The following GALNT2 variants were observed in gnomAD, a reference collection of about 807,000 sequenced individuals.
GALNT2 encodes polypeptide N-acetylgalactosaminyltransferase 2.
GALNT2 carries 31 observed loss-of-function variants against 81.4 expected under a neutral mutation model. The observed-to-expected ratio is 0.38, with a 90% CI of 0.29 to 0.51. GALNT2 has a LOEUF of 0.51. Ranked by LOEUF, GALNT2 falls within the 20% of genes least tolerant of loss-of-function variation. GALNT2 has a pLI of 0.87. For missense variants in GALNT2, 629 were observed against 765.7 expected (o/e 0.82, Z 2.11); for synonymous variants, 303 against 287.4 (o/e 1.05, Z -0.55).
In GALNT2 at chr1:230,281,286, C is replaced by T. The variant is rs2102789214; in HGVS notation, c.*1828C>T. ...CCTATAGGTCTTCTCTTCCCGCCTC[C>T]CCTGCCATGCAACCAGATGTGTTGT... On this transcript the variant is annotated 3_prime_UTR_variant, in exon 16 of 16. Transcript: ENST00000366672. 6.6e-6 allele frequency: 1 copy of T among 152,534 alleles called. No individual in the cohort carries two copies. The highest frequency in any genetic ancestry group is 3.4e-3 in the Middle Eastern group (1 of 294). The allele number at this position is 152,534 out of a possible 1,614,324, so 9.4% of individuals were successfully genotyped here.
intron 1 of GALNT2, among the ~76,000 whole-genome samples, chr1:230,144,475 G>A (rs909602189): frequency 3.3e-5 from 5 of 152,144 alleles, no homozygotes; most frequent in Non-Finnish European, 5.9e-5. Context: ...TGTGTTCCTC[G>A]CTACTGGAAG....
chr1:230,182,384 G>A (rs1250460777), intron 2 of GALNT2, among the ~76,000 whole-genome samples: 1 of 152,034 alleles, frequency 6.6e-6, no homozygotes, highest in Non-Finnish European at 1.5e-5. Flanking sequence ...TTCTTTGGAA[G>A]CACTGCTTTT....
At chr1:230,162,527 TTAGAAGCTAGATTCCCTCCA>T (rs1301912825) in intron 1 of GALNT2, among the ~76,000 whole-genome samples, 1 of 152,132 alleles carries the variant, frequency 6.6e-6, no homozygotes, top group Non-Finnish European at 1.5e-5. Context: ...AAGGCTGCCC[TTAGAAGCTAGATTCCCTCCA>T]TAGAAGCTAG....
Position 230,067,251 on chromosome 1 carries a change from G to A in GALNT2, c.-30G>A, listed in dbSNP as rs1395351815. On this transcript the variant is annotated 5_prime_UTR_variant, in exon 1 of 16. Transcript: ENST00000366672. ...GGCCCAGGCAGCACTCGCGAGCAGC[G>A]GCGGCCCCGCCGGCGGCCGAGTTGG... The A allele has an allele frequency of 7.9e-6, 10 of 1,266,410 alleles. No individual in the cohort carries two copies. Among genetic ancestry groups the A allele is most frequent in the East Asian group, 3.6e-5 (1 of 27,858 alleles). 78.4% of individuals were successfully genotyped at this position (1,266,410 alleles called of 1,614,324 possible).
chr1:230,099,360 G>T (rs1447184199), intron 1 of GALNT2, among the ~76,000 whole-genome samples: 1 of 152,162 alleles, frequency 6.6e-6, no homozygotes, highest in South Asian at 2.1e-4. Context: ...AGCATGCCAT[G>T]GTCAGATGTC....
At chr1:230,225,670 C>CAG (rs1160292656) in intron 3 of GALNT2, among the ~76,000 whole-genome samples, 1 of 146,590 alleles carries the variant, frequency 6.8e-6, no homozygotes, top group African/African-American at 2.6e-5. Context: ...CTGGAGGAGG[C>CAG]AGAGTTTTTT....
chr1:230,155,807 C>CT (rs2102840602), intron 1 of GALNT2, among the ~76,000 whole-genome samples: 1 of 152,316 alleles, frequency 6.6e-6, no homozygotes, highest in South Asian at 2.1e-4. Context: ...TGAGGGCACT[C>CT]TGAGGGTCGC....
chr1:230,252,177 T>C (rs1665564168), intron 10 of GALNT2, among the ~76,000 whole-genome samples: 1 of 152,160 alleles, frequency 6.6e-6, no homozygotes, highest in Non-Finnish European at 1.5e-5. Context: ...TTAGCACTGC[T>C]CTAGCTTCTG....
intron 1 of GALNT2, among the ~76,000 whole-genome samples, chr1:230,120,465 C>T (rs1413031986): frequency 6.6e-6 from 1 of 152,134 alleles, no homozygotes; most frequent in Non-Finnish European, 1.5e-5. Flanking sequence ...AACTACAAAC[C>T]CTCTTGGTAC....
rs543498534 is a variant in GALNT2 at position 230,140,798 on chromosome 1, G to A, written c.127-37420G>A. 1.4e-4 allele frequency among the ~76,000 whole-genome samples: 21 copies of A among 152,296 alleles called. No individual in the cohort carries two copies. The South Asian group carries it at 4.1e-3, about 30-fold the overall frequency. On this transcript the variant is annotated intron_variant, in intron 1 of 15. Coordinates refer to ENST00000366672, the MANE Select transcript of GALNT2 (RefSeq NM_004481.5). Reference sequence around the variant, plus strand: ...GTAGTAAATGAATTGTCTAAATCATGTAGCAAAACACAAAATAATGTGACT... The same window carrying A: ...GTAGTAAATGAATTGTCTAAATCATATAGCAAAACACAAAATAATGTGACT...
At position 230,134,805 on chromosome 1, in the gene GALNT2, G is replaced by A. The variant is rs74500109; in HGVS notation, c.127-43413G>A. Among the ~76,000 whole-genome samples, 858 of 152,300 alleles carry A rather than the reference G, an allele frequency of 5.6e-3. 2 individuals are homozygous for A. The highest frequency in any genetic ancestry group is 9.1e-3 in the Non-Finnish European group (616 of 68,028). The stretch of plus-strand genomic sequence containing the variant: ...CACCAGCATCTCTCCCGTGTCATCT[G>A]CACTTCAGTATTGGATTCCTCCCCG... On this transcript the variant is annotated intron_variant, in intron 1 of 15. Transcript: ENST00000366672.
chr1:230,266,989 GACACACAC>G (rs35956776), intron 14 of GALNT2, among the ~76,000 whole-genome samples: 63 of 146,792 alleles, frequency 4.3e-4, no homozygotes, highest in African/African-American at 1.4e-3. Context: ...GCACGTGTGT[GACACACAC>G]ACACACACAC....
At chr1:230,185,301 TGCGC>T (rs58067663) in intron 2 of GALNT2, among the ~76,000 whole-genome samples, 25,532 of 125,416 alleles carry the variant, frequency 0.2, 2,620 homozygotes, top group African/African-American at 0.32. Flanking sequence ...TGTGTGTGTG[TGCGC>T]GCGTGTGTGT....
At chr1:230,128,929 G>GT (rs924434659) in intron 1 of GALNT2, among the ~76,000 whole-genome samples, 2 of 152,224 alleles carry the variant, frequency 1.3e-5, no homozygotes, top group African/African-American at 4.8e-5. Context: ...CTTTGTGGAT[G>GT]TTTGAGTCAG....
chr1:230,138,524 C>CAAAAA (rs35938447), intron 1 of GALNT2, among the ~76,000 whole-genome samples: 2 of 75,928 alleles, frequency 2.6e-5, no homozygotes, highest in Non-Finnish European at 5.4e-5. Flanking sequence ...GACTCTGTCT[C>CAAAAA]AAAAAAAAAA....
At chr1:230,101,175 T>C (rs1660392029) in intron 1 of GALNT2, among the ~76,000 whole-genome samples, 1 of 152,194 alleles carries the variant, frequency 6.6e-6, no homozygotes, top group Admixed American at 6.5e-5. Context: ...AGACCAGATC[T>C]CCATTGTTAA....
At chr1:230,230,620 A>T (rs923059774) in intron 3 of GALNT2, among the ~76,000 whole-genome samples, 2 of 152,238 alleles carry the variant, frequency 1.3e-5, no homozygotes, top group African/African-American at 2.4e-5. Flanking sequence ...CATGCCCCTT[A>T]GCACTGGATA....
At chr1:230,059,345 T>C (rs867758702) in intron 1 of GALNT2, among the ~76,000 whole-genome samples, 44 of 152,298 alleles carry the variant, frequency 2.9e-4, no homozygotes, top group African/African-American at 1.1e-3. Flanking sequence ...GTTACATTGA[T>C]AAATGACAGC....
At chr1:230,160,414 C>T (rs1411102277) in intron 1 of GALNT2, among the ~76,000 whole-genome samples, 1 of 152,162 alleles carries the variant, frequency 6.6e-6, no homozygotes, top group Non-Finnish European at 1.5e-5. Context: ...TCCCTGTATA[C>T]AATGATCTCT....
Sources: gnomAD v4.1 joint callset for allele counts (sites outside exome capture counted in the v4.1 genomes callset) on GRCh38, gnomAD v4.1.1 for gene constraint, MANE v1.5 for transcripts, NCBI Gene and HGNC (gene_info 2026-07-23, HGNC 2026-07-21) for gene names.